Variants in ANKRD20A1 observed in about 807,000 individuals in gnomAD.
ANKRD20A1 encodes ankyrin repeat domain-containing protein 20A1.
In ANKRD20A1, 2 loss-of-function variants were observed where a neutral mutation model predicts 50.9. That is an observed-to-expected ratio of 0.04 (90% CI 0.02 to 0.12). The LOEUF is 0.12. ANKRD20A1 is among the 10% of genes least tolerant of loss of function. The probability of loss-of-function intolerance (pLI) is 1.00; values close to 1 mark genes in which losing one functional copy is unlikely to be tolerated. For missense variants in ANKRD20A1, 31 were observed against 548.1 expected, an observed-to-expected ratio of 0.06 and a Z score of 9.42; for synonymous variants, 10 against 186.2, an observed-to-expected ratio of 0.05 and a Z score of 7.70.
intron 8 of ANKRD20A1, among the ~76,000 whole-genome samples, chr9:67,881,933 G>T (rs201244185): frequency 6.9e-6 from 1 of 145,286 alleles, no homozygotes; most frequent in Non-Finnish European, 1.5e-5. Flanking sequence ...AAACATATTT[G>T]TGTGTATCCT....
chr9:67,859,877 C>T lies in ANKRD20A1; in HGVS notation c.203+248C>T, dbSNP rs1321174150. Among the ~76,000 whole-genome samples the T allele has an allele frequency of 3.2e-4, 16 of 49,822 alleles. 6 individuals carry two copies. Among genetic ancestry groups the T allele is most frequent in the Admixed American group, 2.4e-3 (16 of 6,598 alleles). 32.7% of individuals were successfully genotyped at this position (49,822 alleles called of 152,430 possible). On this transcript the variant is annotated intron_variant, in intron 1 of 14. Coordinates refer to ENST00000562196, the MANE Select transcript of ANKRD20A1 (RefSeq NM_032250.5). ...ACACGTTTAAAACATGGTTTATATA[C>T]ATTATAGGAGGTGCCTAATGAGAGA... is the stretch of plus-strand genomic sequence containing the variant.
At chr9:67,878,905 A>G (rs571053187) in intron 7 of ANKRD20A1, among the ~76,000 whole-genome samples, 1 of 58,734 alleles carries the variant, frequency 1.7e-5, no homozygotes, top group Non-Finnish European at 5.2e-5. Flanking sequence ...GTAGATAAGA[A>G]TGGAATGAGC....
intron 9 of ANKRD20A1, among the ~76,000 whole-genome samples, chr9:67,885,090 C>G (rs1291394357): frequency 1.3e-5 from 2 of 150,384 alleles, no homozygotes; most frequent in Admixed American, 1.3e-4. Context: ...GTTGTGAGTT[C>G]CATTTTAAGA....
intron 7 of ANKRD20A1, 146 bp downstream of exon 7, chr9:67,877,936 G>A: frequency 6.8e-6 from 2 of 295,706 alleles, no homozygotes; most frequent in Non-Finnish European, 1.2e-5. Context: ...CAACATCTGT[G>A]TTCCTGTAAC....
chr9:67,882,370 A>G (rs1402598821), intron 8 of ANKRD20A1, among the ~76,000 whole-genome samples: 1 of 147,924 alleles, frequency 6.8e-6, no homozygotes, highest in African/African-American at 2.4e-5. Context: ...GTAGCTAATA[A>G]TTAAATATTG....
chr9:67,881,621 A>G (rs1280615365), intron 8 of ANKRD20A1, among the ~76,000 whole-genome samples: 2 of 151,674 alleles, frequency 1.3e-5, no homozygotes, highest in African/African-American at 4.9e-5. Context: ...CAAAACCAAA[A>G]CAAAACAAAA....
intron 6 of ANKRD20A1, among the ~76,000 whole-genome samples, chr9:67,872,421 C>T (rs1827663808): frequency 8.1e-6 from 1 of 123,800 alleles, no homozygotes; most frequent in Admixed American, 7.9e-5. Flanking sequence ...TCTTAATGAC[C>T]AAATCCAACT....
At chr9:67,900,351 T>C in intron 14 of ANKRD20A1, 142 bp from the exon 15 acceptor site, 1 of 252,062 alleles carries the variant, frequency 4.0e-6, no homozygotes, top group Non-Finnish European at 6.8e-6. Flanking sequence ...GGTTCAAAGT[T>C]TTGCTTCAAC....
chr9:67,900,953 TA>T lies in ANKRD20A1; in HGVS notation c.1962del (p.Ala655LeufsTer20), dbSNP rs1316185364. ...GAAATGAGTTCTGCTATTTCCAAAG[TA>T]AAAGCTGAGAATGAGTTTCTTACTG... ...QVEMSSAISK[V>X]KAENEFLTEQ... is the part of the protein sequence containing the mutation. On this transcript the variant is annotated frameshift_variant, in exon 15 of 15. Coordinates refer to ENST00000562196, the MANE Select transcript of ANKRD20A1 (RefSeq NM_032250.5). LOFTEE classifies it high-confidence loss of function. The T allele has an allele frequency of 6.2e-7, 1 of 1,610,752 alleles. No homozygotes were observed. Among genetic ancestry groups the T allele is most frequent in the Non-Finnish European group, 8.5e-7 (1 of 1,179,832 alleles).
intron 4 of ANKRD20A1, among the ~76,000 whole-genome samples, chr9:67,867,881 T>C (rs1485975336): frequency 1.6e-5 from 2 of 124,352 alleles, no homozygotes; most frequent in Admixed American, 9.2e-5. Flanking sequence ...ATGGTCTCGA[T>C]CTCTTGACCT....
intron 9 of ANKRD20A1, 54 bp downstream of exon 9, chr9:67,884,624 C>T (rs1231927893): frequency 6.3e-7 from 1 of 1,583,042 alleles, no homozygotes; most frequent in African/African-American, 1.3e-5. Context: ...GGTGCGGTGG[C>T]TCACGCCTGT....
At chr9:67,882,554 T>A (rs1394371100) in intron 8 of ANKRD20A1, among the ~76,000 whole-genome samples, 1 of 150,104 alleles carries the variant, frequency 6.7e-6, no homozygotes, top group Non-Finnish European at 1.5e-5. Context: ...AATCTTAACA[T>A]TGAGATTTTA....
At position 67,861,007 on chromosome 9, in the gene ANKRD20A1, AT is replaced by A. The variant is rs1041679195; in HGVS notation, c.203+1379del. On this transcript the variant is annotated intron_variant, in intron 1 of 14. Coordinates refer to ENST00000562196, the MANE Select transcript of ANKRD20A1 (RefSeq NM_032250.5). ...ATACTATGGTCTTGTTTTAGCAAAA[AT>A]ATGTACAAAATATAAAATTTGTAAT... Among the ~76,000 whole-genome samples, 2 of 45,788 alleles carry A rather than the reference AT, an allele frequency of 4.4e-5. 1 individual carries two copies. Among genetic ancestry groups the A allele is most frequent in the Non-Finnish European group, 8.6e-5 (2 of 23,230 alleles). 30.0% of individuals were successfully genotyped at this position (45,788 alleles called of 152,430 possible). A position where few individuals can be genotyped will look rare whatever the true frequency, so the allele number is the denominator to read the frequency against.
At chr9:67,885,534 A>G (rs1411522273) in intron 9 of ANKRD20A1, among the ~76,000 whole-genome samples, 1 of 152,300 alleles carries the variant, frequency 6.6e-6, no homozygotes, top group African/African-American at 2.4e-5. Flanking sequence ...ACATAATTGA[A>G]TAGTGTTGGG....
At chr9:67,885,511 A>G (rs1194684814) in intron 9 of ANKRD20A1, among the ~76,000 whole-genome samples, 2 of 152,312 alleles carry the variant, frequency 1.3e-5, no homozygotes, top group African/African-American at 4.8e-5. Context: ...ATAGTATCAT[A>G]TAGGCCAAAT....
chr9:67,885,583 C>T (rs1476014655), intron 9 of ANKRD20A1, among the ~76,000 whole-genome samples: 12 of 152,302 alleles, frequency 7.9e-5, no homozygotes, highest in Admixed American at 4.6e-4. Flanking sequence ...AAGTTATTGC[C>T]TGATTAAAAG....
rs1157375832 is a variant in ANKRD20A1 at position 67,883,085 on chromosome 9, C to T, written c.895-1401C>T. Among the ~76,000 whole-genome samples the T allele has an allele frequency of 2.8e-3, 415 of 149,468 alleles. 1 individual carries two copies. The highest frequency in any genetic ancestry group is 8.9e-3 in the African/African-American group (362 of 40,666). ...AAGTCTTTGCTATTGTAAATAGTGC[C>T]GCAGTAAACATACGTGTGCATGTGT... is the stretch of plus-strand genomic sequence containing the variant. On this transcript the variant is annotated intron_variant, in intron 8 of 14. Transcript: ENST00000562196.
intron 9 of ANKRD20A1, among the ~76,000 whole-genome samples, chr9:67,886,190 G>A: frequency 9.5e-5 from 2 of 21,058 alleles, no homozygotes; most frequent in African/African-American, 3.3e-4. Flanking sequence ...GGGAGTTGAA[G>A]CCAAGTAAAC....
At chr9:67,866,380 T>C in intron 3 of ANKRD20A1, among the ~76,000 whole-genome samples, 1 of 151,766 alleles carries the variant, frequency 6.6e-6, no homozygotes, top group South Asian at 2.1e-4. Context: ...TTACACAGAA[T>C]ATACTGAGCT....
Sources: allele counts gnomAD v4.1 joint callset (sites outside exome capture counted in the v4.1 genomes callset), GRCh38; gene constraint gnomAD v4.1.1; transcripts MANE v1.5; gene names NCBI Gene and HGNC (gene_info 2026-07-23, HGNC 2026-07-21).